COLEC12: variants seen among roughly 807,000 people sequenced by gnomAD.
The protein encoded by COLEC12 is collectin-12.
COLEC12 carries 33 observed loss-of-function variants against 71.1 expected under a neutral mutation model. The observed-to-expected ratio is 0.46, with a 90% CI of 0.35 to 0.62. The LOEUF is 0.62. Among genes scored for constraint, COLEC12 ranks in the 20% least tolerant of loss-of-function variants. The pLI is 0.00. For synonymous variants in COLEC12, 350 were observed against 353.0 expected, an observed-to-expected ratio of 0.99 and a Z score of 0.10; for missense variants, 765 against 916.1, an observed-to-expected ratio of 0.84 and a Z score of 2.13.
In COLEC12 at chr18:346,806, G is replaced by A; in HGVS notation, c.816C>T (p.Asn272=). The A allele has an allele frequency of 6.2e-7, 1 of 1,614,214 alleles. No individual in the cohort carries two copies. Among genetic ancestry groups the A allele is most frequent in the Non-Finnish European group, 8.5e-7 (1 of 1,179,994 alleles). ...CGTTGTTGGCTTTGGCCAACGCAGA[G>A]TTGTTGGCAGCCAGCGTCTGCAAGC... is the stretch of plus-strand genomic sequence containing the variant. ...VQSLQTLAAN[N]SALAKANNDT... Residue 272 remains asparagine (N), a synonymous_variant, in exon 5 of 10, where the codon AAC becomes AAT. Transcript: ENST00000400256. The surrounding 1 kb of genome is among the most constrained non-coding windows in gnomAD (Gnocchi z 4.0).
At chr18:354,891 A>C (rs1395304268) in intron 3 of COLEC12, among the ~76,000 whole-genome samples, 1 of 152,136 alleles carries the variant, frequency 6.6e-6, no homozygotes, top group African/African-American at 2.4e-5. Flanking sequence ...CTGCCCCCAC[A>C]GAGCAGGCCA....
intron 2 of COLEC12, among the ~76,000 whole-genome samples, chr18:397,904 A>G (rs913992587): frequency 6.6e-6 from 1 of 150,782 alleles, no homozygotes; most frequent in Non-Finnish European, 1.5e-5. Context: ...CTGCCAGAGA[A>G]GGATAGTTTC....
chr18:378,488 G>A (rs905064964), intron 2 of COLEC12, among the ~76,000 whole-genome samples: 5 of 152,160 alleles, frequency 3.3e-5, no homozygotes, highest in Non-Finnish European at 5.9e-5. Context: ...CAATTGGCAC[G>A]GGTTTTTCAG....
intron 1 of COLEC12, among the ~76,000 whole-genome samples, chr18:497,243 T>G (rs935273488): frequency 6.6e-6 from 1 of 152,184 alleles, no homozygotes; most frequent in African/African-American, 2.4e-5. Flanking sequence ...AAAGGCCATA[T>G]CCAGGTTTAA....
chr18:393,971 C>G (rs559573322), intron 2 of COLEC12, among the ~76,000 whole-genome samples: 1 of 152,260 alleles, frequency 6.6e-6, no homozygotes, highest in South Asian at 2.1e-4. Context: ...TTTACATAGG[C>G]TTTGTGGAGG....
intron 3 of COLEC12, 136 bp downstream of exon 3, chr18:357,264 G>T (rs1914647484): frequency 2.6e-6 from 2 of 772,612 alleles, no homozygotes; most frequent in South Asian, 3.9e-5. Context: ...ATACAGAGAT[G>T]AAGTTTATCA....
intron 2 of COLEC12, among the ~76,000 whole-genome samples, chr18:458,400 G>A (rs1213940494): frequency 1.3e-5 from 2 of 152,232 alleles, no homozygotes; most frequent in African/African-American, 4.8e-5. Context: ...CCCCAGCTGA[G>A]CTTGCTGACT....
chr18:357,392 A>G lies in COLEC12; in HGVS notation c.181+8T>C, dbSNP rs1004041135. The G allele has an allele frequency of 5.0e-6, 8 of 1,587,392 alleles. No homozygotes were observed. The highest frequency in any genetic ancestry group is 6.8e-6 in the Non-Finnish European group (8 of 1,172,814). On this transcript the variant is annotated splice_region_variant and intron_variant, in intron 3 of 9. Coordinates refer to ENST00000400256, the MANE Select transcript of COLEC12 (RefSeq NM_130386.3). ...TTATTTGGAAGAAAAAAAAGAAAGC[A>G]TGCTTACCTTTATATCCCAAAATGG...
At chr18:329,404 C>T (rs891657360) in intron 8 of COLEC12, among the ~76,000 whole-genome samples, 7 of 152,262 alleles carry the variant, frequency 4.6e-5, no homozygotes, top group South Asian at 2.1e-4. Context: ...AAAAAGACCC[C>T]GGCGCTCTTG....
chr18:428,882 C>T (rs994922717), intron 2 of COLEC12, among the ~76,000 whole-genome samples: 20 of 152,156 alleles, frequency 1.3e-4, no homozygotes, highest in African/African-American at 4.3e-4. Context: ...ACAAATCTAG[C>T]ATTTACTAAG....
intron 5 of COLEC12, among the ~76,000 whole-genome samples, chr18:339,150 G>T (rs1249488778): frequency 6.6e-6 from 1 of 152,168 alleles, no homozygotes; most frequent in Non-Finnish European, 1.5e-5. Context: ...GGGGGGAGCT[G>T]TATTTCTTCC....
intron 2 of COLEC12, among the ~76,000 whole-genome samples, chr18:392,875 G>T (rs1915492326): frequency 6.6e-6 from 1 of 152,224 alleles, no homozygotes; most frequent in Admixed American, 6.5e-5. Context: ...CTTTGGAAAA[G>T]ATTCTTTTCT....
At chr18:434,161 GA>G (rs922881934) in intron 2 of COLEC12, among the ~76,000 whole-genome samples, 7 of 152,244 alleles carry the variant, frequency 4.6e-5, no homozygotes, top group African/African-American at 1.7e-4. Context: ...TAACACTACT[GA>G]AATATTATCC....
intron 1 of COLEC12, among the ~76,000 whole-genome samples, chr18:495,452 G>T (rs766478165): frequency 6.6e-6 from 1 of 152,200 alleles, no homozygotes; most frequent in Admixed American, 6.5e-5. Context: ...TGTAGGGGCC[G>T]TTTTCAGAGT....
At position 347,142 on chromosome 18, in the gene COLEC12, G is replaced by C. The variant is rs199985975; in HGVS notation, c.480C>G (p.Asn160Lys). 3 of 1,614,218 alleles carry C rather than the reference G, an allele frequency of 1.9e-6. No homozygotes were observed. Among genetic ancestry groups the C allele is most frequent in the Non-Finnish European group, 2.5e-6 (3 of 1,180,040 alleles). ...TGTTTACAGTGGTGATGAGGAAAGA[G>C]TTATTCTCCAAAGTTTCTTTCAATT... ...QSQLKETLEN[N>K]SFLITTVNKT... is the part of the protein sequence containing the mutation. Residue 160 changes from asparagine to lysine, a missense_variant, in exon 5 of 10, where the codon AAC (asparagine) becomes AAG (lysine). Coordinates refer to ENST00000400256, the MANE Select transcript of COLEC12 (RefSeq NM_130386.3).
rs750635929 is a variant in COLEC12, at chr18:334,817, C to CG, written c.1740dup (p.Gly581ArgfsTer17). 15 of 1,519,076 alleles carry CG rather than the reference C, an allele frequency of 9.9e-6. No homozygotes were observed. The highest frequency in any genetic ancestry group is 2.6e-5 in the South Asian group (2 of 78,142). The allele number at this position is 1,519,076 out of a possible 1,614,324, so 94.1% of individuals were successfully genotyped here. ...ACCGCTCCTGATGGGCCAGGAGGGCCGGGGGGGCCCTTGGGGCCTGGCATG... is the reference window on the plus strand; with the variant it reads ...ACCGCTCCTGATGGGCCAGGAGGGCCGGGGGGGGCCCTTGGGGCCTGGCATG... On this transcript the variant is annotated frameshift_variant, in exon 6 of 10. Coordinates refer to ENST00000400256, the MANE Select transcript of COLEC12 (RefSeq NM_130386.3). LOFTEE classifies it high-confidence loss of function.
chr18:474,484 C>T (rs1317523842), intron 2 of COLEC12, among the ~76,000 whole-genome samples: 2 of 152,170 alleles, frequency 1.3e-5, no homozygotes, highest in African/African-American at 4.8e-5. Flanking sequence ...TCTGACCTAA[C>T]CAGTGAGAAG....
At chr18:479,645 C>T (rs1217007373) in intron 2 of COLEC12, among the ~76,000 whole-genome samples, 2 of 152,088 alleles carry the variant, frequency 1.3e-5, no homozygotes, top group Non-Finnish European at 2.9e-5. Flanking sequence ...CAGAAACAAG[C>T]TGTTGGGAAA....
intron 2 of COLEC12, among the ~76,000 whole-genome samples, chr18:445,633 C>A (rs956877055): frequency 1.3e-4 from 4 of 30,034 alleles, no homozygotes; most frequent in Non-Finnish European, 1.9e-4. Flanking sequence ...ACCACTAATC[C>A]ACTTTTTTTT....
Sources: gnomAD v4.1 joint callset for allele counts (sites outside exome capture counted in the v4.1 genomes callset) on GRCh38, gnomAD v4.1.1 for gene constraint, Gnocchi (gnomAD v3.1) non-coding constraint, MANE v1.5 for transcripts, NCBI Gene and HGNC (gene_info 2026-07-23, HGNC 2026-07-21) for gene names.